The following HECW1 variants were observed in gnomAD, a reference collection of about 807,000 sequenced individuals.
HECW1 encodes E3 ubiquitin-protein ligase HECW1.
A neutral mutation model predicts 182.3 loss-of-function variants in HECW1; 61 were observed. That is an observed-to-expected ratio of 0.33 (90% CI 0.27 to 0.41). HECW1 has a LOEUF of 0.41. Among genes scored for constraint, HECW1 ranks in the 10% least tolerant of loss-of-function variants. The probability of loss-of-function intolerance (pLI) is 1.00; values close to 1 mark genes in which losing one functional copy is unlikely to be tolerated. For synonymous variants in HECW1, 859 were observed against 832.6 expected, an observed-to-expected ratio of 1.03 and a Z score of -0.55; for missense variants, 1,739 against 2,108.9, an observed-to-expected ratio of 0.82 and a Z score of 3.44.
At chr7:43,314,903 T>C (rs1808995397) in intron 4 of HECW1, among the ~76,000 whole-genome samples, 1 of 152,212 alleles carries the variant, frequency 6.6e-6, no homozygotes, top group Admixed American at 6.5e-5. Context: ...TGTCATTTCA[T>C]GAATGAGGAG....
At chr7:43,532,038 C>T (rs974513450) in intron 24 of HECW1, among the ~76,000 whole-genome samples, 2 of 152,204 alleles carry the variant, frequency 1.3e-5, no homozygotes, top group African/African-American at 4.8e-5. Context: ...CACAGCTCCA[C>T]TCAGATATAA....
rs765760962 is a variant in HECW1 at position 43,552,279 on chromosome 7, G to T, written c.4453G>T (p.Ala1485Ser). 4.3e-6 allele frequency: 7 copies of T among 1,614,128 alleles called. No homozygotes were observed. In the Admixed American group the frequency reaches 1.2e-4, roughly 27 times the overall value. ...FDARELELVI[A>S]GTAEIDLNDW... Reference sequence around the variant, plus strand: ...TGCCAGGGAGCTGGAGCTGGTGATAGCTGGCACCGCGGAAATCGACCTAAA... The same window carrying T: ...TGCCAGGGAGCTGGAGCTGGTGATATCTGGCACCGCGGAAATCGACCTAAA... The change falls in exon 28 of 30, where the codon GCT becomes TCT. Residue 1485 changes from alanine (A) to serine (S), a missense_variant. Transcript: ENST00000395891.
chr7:43,507,812 G>A (rs1472084178), intron 22 of HECW1, among the ~76,000 whole-genome samples: 4 of 152,164 alleles, frequency 2.6e-5, no homozygotes, highest in African/African-American at 2.4e-5. Context: ...CACGAGAAGT[G>A]TACACATTTT....
intron 2 of HECW1, among the ~76,000 whole-genome samples, chr7:43,158,147 A>G (rs1412532693): frequency 2.0e-5 from 3 of 152,352 alleles, no homozygotes; most frequent in African/African-American, 4.8e-5. Flanking sequence ...ACTAAATAGT[A>G]CTATTACTTA....
intron 2 of HECW1, among the ~76,000 whole-genome samples, chr7:43,193,351 T>G (rs1281904227): frequency 6.6e-6 from 1 of 152,120 alleles, no homozygotes; most frequent in Non-Finnish European, 1.5e-5. Flanking sequence ...CCCAAAATAT[T>G]ATATGTATTA....
intron 21 of HECW1, among the ~76,000 whole-genome samples, chr7:43,506,128 C>G (rs2079567803): frequency 6.6e-6 from 1 of 152,154 alleles, no homozygotes; most frequent in South Asian, 2.1e-4. Context: ...GTAAACTTTA[C>G]TCTTATGATG....
chr7:43,497,808 G>A (rs1206131845), intron 19 of HECW1, among the ~76,000 whole-genome samples: 1 of 152,156 alleles, frequency 6.6e-6, no homozygotes, highest in South Asian at 2.1e-4. Flanking sequence ...GCAGGTGAAT[G>A]GATAATGGCA....
intron 2 of HECW1, among the ~76,000 whole-genome samples, chr7:43,212,565 C>T (rs561639512): frequency 1.3e-5 from 2 of 152,010 alleles, no homozygotes; most frequent in Non-Finnish European, 1.5e-5. Flanking sequence ...GAGGCCAAGG[C>T]TATTACGCTG....
intron 3 of HECW1, among the ~76,000 whole-genome samples, chr7:43,292,853 G>T (rs530404851): frequency 6.6e-6 from 1 of 152,132 alleles, no homozygotes; most frequent in Non-Finnish European, 1.5e-5. Context: ...AGTTGTCCAG[G>T]TTCTTGGCAT....
At chr7:43,335,099 G>A (rs562535499) in intron 5 of HECW1, among the ~76,000 whole-genome samples, 12 of 152,268 alleles carry the variant, frequency 7.9e-5, no homozygotes, top group African/African-American at 2.9e-4. Flanking sequence ...AGAAGGGGAA[G>A]AGTAGATTAT....
At chr7:43,147,362 G>C (rs911657480) in intron 2 of HECW1, 2 of 151,984 alleles carry the variant, frequency 1.3e-5, no homozygotes, top group African/African-American at 2.4e-5. Flanking sequence ...TTTGCCCTTT[G>C]CTTGAAGAAA....
intron 2 of HECW1, among the ~76,000 whole-genome samples, chr7:43,169,446 T>C (rs1001409488): frequency 5.3e-5 from 8 of 152,064 alleles, no homozygotes; most frequent in African/African-American, 1.9e-4. Context: ...TCTCCAGACA[T>C]TGACGGATAC....
At chr7:43,329,478 G>A (rs1811194061) in intron 5 of HECW1, among the ~76,000 whole-genome samples, 1 of 151,948 alleles carries the variant, frequency 6.6e-6, no homozygotes, top group African/African-American at 2.4e-5. Context: ...CCTGGAATGA[G>A]AAAAATGGAA....
intron 8 of HECW1, among the ~76,000 whole-genome samples, chr7:43,417,717 G>T (rs932867880): frequency 1.3e-5 from 2 of 152,084 alleles, no homozygotes; most frequent in African/African-American, 4.8e-5. Context: ...TTAAAATGCA[G>T]TTCCACTGTG....
chr7:43,342,251 G>A lies in HECW1; in HGVS notation c.461-18635G>A, dbSNP rs145805704. ...TGGAATCATCAATGTTAGATGCCTC[G>A]TCAATGAACATTATTTCCATTTATC... On this transcript the variant is annotated intron_variant, in intron 5 of 29. Transcript: ENST00000395891. Among the ~76,000 whole-genome samples the A allele has an allele frequency of 6.6e-5, 10 of 151,796 alleles. No homozygotes were observed. In the East Asian group the frequency reaches 1.4e-3, roughly 21 times the overall value.
chr7:43,245,189 G>T (rs1188685967), intron 3 of HECW1, among the ~76,000 whole-genome samples: 1 of 152,200 alleles, frequency 6.6e-6, no homozygotes, highest in Non-Finnish European at 1.5e-5. Flanking sequence ...CCAGCTTGGT[G>T]TGCGCTCAGG....
At chr7:43,197,523 A>G (rs1464048173) in intron 2 of HECW1, among the ~76,000 whole-genome samples, 1 of 152,214 alleles carries the variant, frequency 6.6e-6, no homozygotes, top group Non-Finnish European at 1.5e-5. Flanking sequence ...CTCTTGGCAC[A>G]GAGCGATCAC....
chr7:43,285,496 G>A lies in HECW1; in HGVS notation c.28-26267G>A, dbSNP rs139290339. Among the ~76,000 whole-genome samples the A allele has an allele frequency of 3.9e-5, 6 of 152,230 alleles. No individual in the cohort carries two copies. In the East Asian group the frequency reaches 7.7e-4, roughly 20 times the overall value. ...GTAACCATTCATCAGGAGTGCAGTC[G>A]GGAATGAGCCCACCCAAAGTCATAA... On this transcript the variant is annotated intron_variant, in intron 3 of 29. Transcript: ENST00000395891.
Position 43,243,103 on chromosome 7 carries a change from A to G in HECW1, c.-31-772A>G, listed in dbSNP as rs1308524966. On this transcript the variant is annotated intron_variant, in intron 2 of 29. Transcript: ENST00000395891. The surrounding 1 kb of genome is among the most constrained non-coding windows in gnomAD (Gnocchi z 4.0). ...CTGCTTTTTTCTGGAATCAGGCCAC[A>G]TTGATTATTTTCATGGTGACTGTAA... 6.6e-6 allele frequency among the ~76,000 whole-genome samples: 1 copy of G among 152,152 alleles called. No homozygotes were observed. The highest frequency in any genetic ancestry group is 1.5e-5 in the Non-Finnish European group (1 of 68,030).
Sources: gnomAD v4.1 joint callset for allele counts (sites outside exome capture counted in the v4.1 genomes callset) on GRCh38, gnomAD v4.1.1 for gene constraint, Gnocchi (gnomAD v3.1) non-coding constraint, MANE v1.5 for transcripts, NCBI Gene and HGNC (gene_info 2026-07-23, HGNC 2026-07-21) for gene names.